ISL1: variants seen among roughly 807,000 people sequenced by gnomAD.
The protein encoded by ISL1 is insulin gene enhancer protein ISL-1.
A neutral mutation model predicts 35.3 loss-of-function variants in ISL1; 4 were observed. That is an observed-to-expected ratio of 0.11 (90% confidence interval 0.06 to 0.26). ISL1 has a LOEUF of 0.26. Ranked by LOEUF, ISL1 falls within the 10% of genes least tolerant of loss-of-function variation. The probability of loss-of-function intolerance (pLI) is 1.00; values close to 1 mark genes in which losing one functional copy is unlikely to be tolerated. For synonymous variants in ISL1, 186 were observed against 172.3 expected, an observed-to-expected ratio of 1.08 and a Z score of -0.62; for missense variants, 340 against 472.8, an observed-to-expected ratio of 0.72 and a Z score of 2.60.
At chr5:51,392,334 C>G (rs1379774111) in intron 5 of ISL1, among the ~76,000 whole-genome samples, 1 of 152,040 alleles carries the variant, frequency 6.6e-6, no homozygotes, top group East Asian at 1.9e-4. Flanking sequence ...AGTAATCAGC[C>G]TTATAGAATC....
At position 51,383,473 on chromosome 5, in the gene ISL1, C is replaced by G. The variant is rs1236461532; in HGVS notation, c.-199C>G. 13 of 630,270 alleles carry G rather than the reference C, an allele frequency of 2.1e-5. No individual in the cohort carries two copies. The highest frequency in any genetic ancestry group is 1.5e-4 in the South Asian group (8 of 53,580). The allele number at this position is 630,270 out of a possible 1,614,324, so 39.0% of individuals were successfully genotyped here. A position where few individuals can be genotyped will look rare whatever the true frequency, so the allele number is the denominator to read the frequency against. The stretch of plus-strand genomic sequence containing the variant: ...GAGTCTGCCGCCGCCGCAGCGCCTC[C>G]GCTCCGCCAACTCCGCCGGCTTAAA... On this transcript the variant is annotated 5_prime_UTR_variant, in exon 1 of 6. Coordinates refer to ENST00000230658, the MANE Select transcript of ISL1 (RefSeq NM_002202.3).
At chr5:51,391,647 T>C (rs985349039) in intron 5 of ISL1, among the ~76,000 whole-genome samples, 6 of 151,950 alleles carry the variant, frequency 3.9e-5, no homozygotes, top group African/African-American at 1.2e-4. Flanking sequence ...TGAGACTGCA[T>C]AATTTGACCA....
Position 51,387,475 on chromosome 5 carries a change from C to T in ISL1, c.219-15C>T, listed in dbSNP as rs17847230. ...CCCGCTCTGGGCCGCCTCCGCTCCC[C>T]CCTCCCCCGCACAGGTTGTACGGGA... is the stretch of plus-strand genomic sequence containing the variant. On this transcript the variant is annotated splice_polypyrimidine_tract_variant and intron_variant, in intron 2 of 5. Transcript: ENST00000230658. The surrounding 1 kb of genome is among the most constrained non-coding windows in gnomAD (Gnocchi z 4.3). The T allele has an allele frequency of 3.1e-6, 5 of 1,613,560 alleles. No individual in the cohort carries two copies. The highest frequency in any genetic ancestry group is 3.4e-6 in the Non-Finnish European group (4 of 1,179,842).
chr5:51,393,614 A>G lies in ISL1; in HGVS notation c.*4A>G, dbSNP rs369904787. ...AGCCAGTCCTATTGAGGCATGAGGAACATTCATTCTGTATTTTTTTTCCCT... is the reference window on the plus strand; with the variant it reads ...AGCCAGTCCTATTGAGGCATGAGGAGCATTCATTCTGTATTTTTTTTCCCT... On this transcript the variant is annotated 3_prime_UTR_variant, in exon 6 of 6. Transcript: ENST00000230658. The G allele has an allele frequency of 6.5e-7, 1 of 1,530,468 alleles. No individual in the cohort carries two copies. The allele number at this position is 1,530,468 out of a possible 1,614,324, so 94.8% of individuals were successfully genotyped here. A position where few individuals can be genotyped will look rare whatever the true frequency, so the allele number is the denominator to read the frequency against.
chr5:51,387,890 C>A lies in ISL1; in HGVS notation c.478+141C>A. 1 of 1,099,032 alleles carries A rather than the reference C, an allele frequency of 9.1e-7. No individual in the cohort carries two copies. Among genetic ancestry groups the A allele is most frequent in the South Asian group, 1.4e-5 (1 of 69,850 alleles). 68.1% of individuals were successfully genotyped at this position (1,099,032 alleles called of 1,614,324 possible). ...TGAAGTGTTCTGTATGCAATTTGCG[C>A]TGTGCTCTGCTCCTTTGCAGCAAGG... On this transcript the variant is annotated intron_variant, in intron 3 of 5. Coordinates refer to ENST00000230658, the MANE Select transcript of ISL1 (RefSeq NM_002202.3). This position sits in a 1 kb window ranked among gnomAD's most constrained non-coding sequence, Gnocchi z 4.3.
intron 3 of ISL1, among the ~76,000 whole-genome samples, chr5:51,388,549 G>A (rs181676468): frequency 4.8e-4 from 73 of 152,318 alleles, no homozygotes; most frequent in Non-Finnish European, 9.1e-4. Flanking sequence ...CCAAGGAAGA[G>A]GAGTGGAAAC....
chr5:51,383,832 T>C, intron 1 of ISL1, 133 bp downstream of exon 1: 2 of 801,390 alleles, frequency 2.5e-6, no homozygotes, highest in Non-Finnish European at 4.4e-6. Flanking sequence ...AGGTGGCTTT[T>C]TCTTGTTGCC....
At chr5:51,391,873 A>G in intron 5 of ISL1, among the ~76,000 whole-genome samples, 1 of 152,144 alleles carries the variant, frequency 6.6e-6, no homozygotes, top group East Asian at 1.9e-4. Flanking sequence ...GATATATAGG[A>G]CCCAAATCAA....
intron 2 of ISL1, chr5:51,386,373 A>ACT: frequency 3.7e-6 from 1 of 268,848 alleles, no homozygotes; most frequent in Non-Finnish European, 7.0e-6. Flanking sequence ...CTCTCTCTCA[A>ACT]CTCTGTGTGT....
intron 2 of ISL1, among the ~76,000 whole-genome samples, chr5:51,385,878 A>C (rs1308847873): frequency 1.3e-5 from 2 of 152,222 alleles, no homozygotes; most frequent in African/African-American, 4.8e-5. Context: ...TTAAGATTTA[A>C]TATACAGTCA....
chr5:51,393,745 A>T lies in ISL1; in HGVS notation c.*135A>T. On this transcript the variant is annotated 3_prime_UTR_variant, in exon 6 of 6. Coordinates refer to ENST00000230658, the MANE Select transcript of ISL1 (RefSeq NM_002202.3). ...AAATGAATGCTCCATGAAATGCACG[A>T]AGTCTGTTTTAATGACAAGGTGATA... 1 of 723,372 alleles carries T rather than the reference A, an allele frequency of 1.4e-6. No homozygotes were observed. Among genetic ancestry groups the T allele is most frequent in the African/African-American group, 1.7e-5 (1 of 58,004 alleles). 44.8% of individuals were successfully genotyped at this position (723,372 alleles called of 1,614,324 possible).
chr5:51,391,254 G>T lies in ISL1; in HGVS notation c.766-20G>T. On this transcript the variant is annotated intron_variant, in intron 4 of 5. Transcript: ENST00000230658. Reference sequence around the variant, plus strand: ...TTTGCTCATTAACATGTTGGGATTGGTTGGGGGGCCTATTCACAGAATATC... The same window carrying T: ...TTTGCTCATTAACATGTTGGGATTGTTTGGGGGGCCTATTCACAGAATATC... The T allele has an allele frequency of 6.2e-7, 1 of 1,611,640 alleles. No individual in the cohort carries two copies. Among genetic ancestry groups the T allele is most frequent in the Non-Finnish European group, 8.5e-7 (1 of 1,179,510 alleles).
intron 4 of ISL1, among the ~76,000 whole-genome samples, chr5:51,390,668 T>G (rs1168358571): frequency 7.5e-6 from 1 of 133,102 alleles, no homozygotes; most frequent in East Asian, 2.3e-4. Context: ...TTTTTTTTTT[T>G]TTTTTTTTTT....
chr5:51,386,435 G>A (rs1747344614), intron 2 of ISL1: 1 of 383,844 alleles, frequency 2.6e-6, no homozygotes, highest in Non-Finnish European at 5.1e-6. Flanking sequence ...TGTAAAAGCA[G>A]AACAGACTGG....
In ISL1 at chr5:51,387,642, A is replaced by C; in HGVS notation, c.371A>C (p.Glu124Ala). 6.2e-7 allele frequency: 1 copy of C among 1,614,202 alleles called. No homozygotes were observed. The highest frequency in any genetic ancestry group is 8.5e-7 in the Non-Finnish European group (1 of 1,180,048). Residue 124 changes from glutamate (E) to alanine (A), a missense_variant, in exon 3 of 6, where the codon GAG becomes GCG. Physicochemically the swap from Glu to Ala is moderately radical, Grantham distance 107. This residue lies in a region of ISL1 where 94 missense variants were observed against 102.1 expected (regional missense o/e 0.92). Transcript: ENST00000230658. This position sits in a 1 kb window ranked among gnomAD's most constrained non-coding sequence, Gnocchi z 4.3. ...LIPGDEFALR[E>A]DGLFCRADHD... The stretch of plus-strand genomic sequence containing the variant: ...CCTGGGGACGAATTTGCGCTTCGGG[A>C]GGACGGTCTCTTCTGCCGAGCAGAC...
Position 51,383,575 on chromosome 5 carries a change from A to G in ISL1, c.-97A>G. ...AGCATTGGCAACCCCAGGGGCCAAT[A>G]TTTCCCACTTAGCCACAGCTCCAGC... On this transcript the variant is annotated 5_prime_UTR_variant, in exon 1 of 6. In the 5' UTR this introduces an upstream ATG that the reference lacks. Transcript: ENST00000230658. 1 of 1,077,020 alleles carries G rather than the reference A, an allele frequency of 9.3e-7. No individual in the cohort carries two copies. The highest frequency in any genetic ancestry group is 1.4e-6 in the Non-Finnish European group (1 of 689,842). The allele number at this position is 1,077,020 out of a possible 1,614,324, so 66.7% of individuals were successfully genotyped here. A position where few individuals can be genotyped will look rare whatever the true frequency, so the allele number is the denominator to read the frequency against.
Position 51,389,606 on chromosome 5 carries a change from AG to A in ISL1, c.479-39del, listed in dbSNP as rs772747493. On this transcript the variant is annotated intron_variant, in intron 3 of 5. Transcript: ENST00000230658. The surrounding 1 kb of genome is among the most constrained non-coding windows in gnomAD (Gnocchi z 5.0). ...GCGACCGCGGGCGGGCCGGCAAGCG[AG>A]CCTCCAGCCCAGCGCTCACGGCGCT... The A allele has an allele frequency of 7.3e-6, 11 of 1,500,492 alleles. No individual in the cohort carries two copies. The highest frequency in any genetic ancestry group is 9.7e-6 in the Non-Finnish European group (11 of 1,128,542). The allele number at this position is 1,500,492 out of a possible 1,614,324, so 92.9% of individuals were successfully genotyped here. A position where few individuals can be genotyped will look rare whatever the true frequency, so the allele number is the denominator to read the frequency against.
intron 1 of ISL1, 79 bp from the exon 2 acceptor site, chr5:51,384,462 T>A: frequency 7.7e-7 from 1 of 1,299,048 alleles, no homozygotes; most frequent in Non-Finnish European, 1.1e-6. Flanking sequence ...GTACGCCCTA[T>A]AAGAGAACGA....
At position 51,389,531 on chromosome 5, in the gene ISL1, G is replaced by A. The variant is rs1205870232; in HGVS notation, c.479-115G>A. 13 of 935,776 alleles carry A rather than the reference G, an allele frequency of 1.4e-5. 1 individual carries two copies. The highest frequency in any genetic ancestry group is 1.8e-5 in the African/African-American group (1 of 54,620). 58.0% of individuals were successfully genotyped at this position (935,776 alleles called of 1,614,324 possible). A position where few individuals can be genotyped will look rare whatever the true frequency, so the allele number is the denominator to read the frequency against. On this transcript the variant is annotated intron_variant, in intron 3 of 5. Transcript: ENST00000230658. This position sits in a 1 kb window ranked among gnomAD's most constrained non-coding sequence, Gnocchi z 5.0. The stretch of plus-strand genomic sequence containing the variant: ...ATTGTCCTGAGTATCTCGGGCGGGC[G>A]AGCAAGTAAGCGGGCGGGCGGGCGG...
Sources: allele counts gnomAD v4.1 joint callset (sites outside exome capture counted in the v4.1 genomes callset), GRCh38; gene constraint gnomAD v4.1.1; regional missense constraint gnomAD v4.1.1; non-coding constraint Gnocchi (gnomAD v3.1); transcripts MANE v1.5; gene names NCBI Gene and HGNC (gene_info 2026-07-23, HGNC 2026-07-21).